RHOJ: variants seen among roughly 807,000 people sequenced by gnomAD.
The protein encoded by RHOJ is ras homolog family member J.
A neutral mutation model predicts 23.4 loss-of-function variants in RHOJ; 11 were observed. The ratio of observed to expected loss-of-function variants is 0.47; its 90% CI spans 0.30 to 0.78. RHOJ has a LOEUF of 0.78. Ranked by LOEUF, RHOJ falls within the 30% of genes least tolerant of loss-of-function variation. The pLI is 0.08. For missense variants in RHOJ, 254 were observed against 273.4 expected, an observed-to-expected ratio of 0.93 and a Z score of 0.50; for synonymous variants, 102 against 102.7, an observed-to-expected ratio of 0.99 and a Z score of 0.04.
At chr14:63,232,221 T>C (rs1365978416) in intron 1 of RHOJ, among the ~76,000 whole-genome samples, 1 of 152,248 alleles carries the variant, frequency 6.6e-6, no homozygotes, top group African/African-American at 2.4e-5. Context: ...TCTTACATTC[T>C]TGGGAATTCA....
chr14:63,284,306 G>A (rs1026677747), intron 4 of RHOJ: 37 of 985,042 alleles, frequency 3.8e-5, no homozygotes, highest in Non-Finnish European at 4.3e-5. Context: ...ACACCTGATC[G>A]AGATACTGAA....
At chr14:63,243,127 T>C (rs560714499) in intron 1 of RHOJ, among the ~76,000 whole-genome samples, 1 of 152,244 alleles carries the variant, frequency 6.6e-6, no homozygotes, top group South Asian at 2.1e-4. Flanking sequence ...GGGAAAAAAG[T>C]GATAAAATAT....
chr14:63,283,044 C>A, intron 3 of RHOJ, 77 bp from the exon 4 acceptor site: 1 of 1,169,618 alleles, frequency 8.5e-7, no homozygotes, highest in Non-Finnish European at 1.3e-6. Flanking sequence ...GGGAAAAAGA[C>A]TCTATGATGT....
chr14:63,215,234 A>T (rs1894328929), intron 1 of RHOJ, among the ~76,000 whole-genome samples: 1 of 152,212 alleles, frequency 6.6e-6, no homozygotes, highest in Admixed American at 6.5e-5. Flanking sequence ...CCTGAAAGAA[A>T]GATGCATAAA....
chr14:63,233,796 A>G (rs947501170), intron 1 of RHOJ, among the ~76,000 whole-genome samples: 1 of 152,192 alleles, frequency 6.6e-6, no homozygotes, highest in Admixed American at 6.5e-5. Flanking sequence ...CTCATTCTCC[A>G]TATTACCACT....
At chr14:63,232,395 A>G (rs1218481561) in intron 1 of RHOJ, among the ~76,000 whole-genome samples, 2 of 152,190 alleles carry the variant, frequency 1.3e-5, no homozygotes, top group African/African-American at 4.8e-5. Context: ...GGAGAAAGGT[A>G]TGTTAAGGTA....
At chr14:63,238,763 C>T (rs1894833691) in intron 1 of RHOJ, among the ~76,000 whole-genome samples, 1 of 152,158 alleles carries the variant, frequency 6.6e-6, no homozygotes, top group Non-Finnish European at 1.5e-5. Context: ...ACACAGTCAG[C>T]ATGGAGCTTA....
At chr14:63,228,134 A>T (rs1189916415) in intron 1 of RHOJ, among the ~76,000 whole-genome samples, 1 of 152,220 alleles carries the variant, frequency 6.6e-6, no homozygotes, top group Non-Finnish European at 1.5e-5. Context: ...GCACTGGAAG[A>T]ATAACTTGCG....
chr14:63,255,590 C>T (rs1339619553), intron 1 of RHOJ, among the ~76,000 whole-genome samples: 2 of 151,352 alleles, frequency 1.3e-5, no homozygotes, highest in Non-Finnish European at 2.9e-5. Context: ...TACCCTCCCC[C>T]ACTCCATGCT....
At chr14:63,216,518 T>C (rs570334030) in intron 1 of RHOJ, among the ~76,000 whole-genome samples, 19 of 152,304 alleles carry the variant, frequency 1.2e-4, no homozygotes, top group Non-Finnish European at 2.6e-4. Context: ...CCCTTTATAC[T>C]TGTCAAAGTA....
chr14:63,281,254 C>A, intron 3 of RHOJ, 119 bp downstream of exon 3: 2 of 958,138 alleles, frequency 2.1e-6, no homozygotes, highest in Non-Finnish European at 3.0e-6. Flanking sequence ...ACATGTCAAT[C>A]CTATGAACAG....
At chr14:63,211,486 T>C (rs1894237643) in intron 1 of RHOJ, among the ~76,000 whole-genome samples, 1 of 152,148 alleles carries the variant, frequency 6.6e-6, no homozygotes, top group African/African-American at 2.4e-5. Context: ...TATGGATACA[T>C]TAATGGTTGT....
intron 1 of RHOJ, among the ~76,000 whole-genome samples, chr14:63,253,499 G>A (rs1256198135): frequency 1.3e-5 from 2 of 152,002 alleles, no homozygotes; most frequent in Admixed American, 6.6e-5. Flanking sequence ...CCAAAGTGCC[G>A]GGATTGCAGG....
chr14:63,268,423 A>T (rs780651462), intron 1 of RHOJ, among the ~76,000 whole-genome samples: 12 of 152,188 alleles, frequency 7.9e-5, no homozygotes, highest in Admixed American at 3.3e-4. Context: ...AGTCAAACTC[A>T]CTACTTTTCA....
Position 63,204,973 on chromosome 14 carries a change from C to A in RHOJ, c.104C>A (p.Thr35Asn). 6.2e-7 allele frequency: 1 copy of A among 1,614,184 alleles called. No individual in the cohort carries two copies. The highest frequency in any genetic ancestry group is 2.2e-5 in the East Asian group (1 of 44,874). The change falls in exon 1 of 5, where the codon ACC (threonine) becomes AAC (asparagine). Residue 35 changes from threonine to asparagine, a missense_variant. By Grantham distance (65) the Thr-to-Asn change is moderately conservative. Transcript: ENST00000316754. ...GTGGGGGACGGTGCCGTGGGGAAAA[C>A]CTGCCTGCTGATGAGCTACGCCAAC... Reference protein sequence around the residue: ...VVVGDGAVGKTCLLMSYANDA... With the variant: ...VVVGDGAVGKNCLLMSYANDA...
intron 2 of RHOJ, among the ~76,000 whole-genome samples, chr14:63,279,885 G>T (rs1881844848): frequency 6.6e-6 from 1 of 152,098 alleles, no homozygotes; most frequent in Non-Finnish European, 1.5e-5. Context: ...GTGAGGAGAG[G>T]ATTCCTGTTG....
intron 2 of RHOJ, among the ~76,000 whole-genome samples, chr14:63,273,711 G>A (rs1185349313): frequency 6.6e-6 from 1 of 152,218 alleles, no homozygotes; most frequent in Non-Finnish European, 1.5e-5. Flanking sequence ...GGATGATGTG[G>A]GCAAAGCCCT....
At chr14:63,275,921 G>A (rs891484757) in intron 2 of RHOJ, among the ~76,000 whole-genome samples, 1 of 152,024 alleles carries the variant, frequency 6.6e-6, no homozygotes, top group African/African-American at 2.4e-5. Context: ...AGTCCCAAGG[G>A]GACACTTTCT....
At chr14:63,287,059 A>C (rs1882106126) in intron 4 of RHOJ, among the ~76,000 whole-genome samples, 1 of 152,194 alleles carries the variant, frequency 6.6e-6, no homozygotes, top group Admixed American at 6.5e-5. Context: ...TACTCTGTTT[A>C]TTCCACTAAC....
Sources: gnomAD v4.1 joint callset for allele counts (sites outside exome capture counted in the v4.1 genomes callset) on GRCh38, gnomAD v4.1.1 for gene constraint, MANE v1.5 for transcripts, NCBI Gene and HGNC (gene_info 2026-07-23, HGNC 2026-07-21) for gene names.